TMEM179: variants seen among roughly 807,000 people sequenced by gnomAD.
The protein encoded by TMEM179 is transmembrane protein 179, also known as transmembrane protein 179A.
In TMEM179, 17 loss-of-function variants were observed where a neutral mutation model predicts 22.2. The observed-to-expected ratio is 0.77, with a 90% CI of 0.52 to 1.15. TMEM179 has a LOEUF of 1.15. TMEM179 is among the 50% of genes most tolerant of loss of function. TMEM179 has a pLI of 0.00. For missense variants in TMEM179, 265 were observed against 313.6 expected (o/e 0.84, Z 1.17); for synonymous variants, 127 against 140.5 (o/e 0.90, Z 0.68).
intron 1 of TMEM179, among the ~76,000 whole-genome samples, chr14:104,600,359 G>A (rs916835569): frequency 1.1e-4 from 17 of 152,316 alleles, no homozygotes; most frequent in African/African-American, 2.9e-4. Context: ...CATGGTGACC[G>A]CTGTCCTGGA....
intron 1 of TMEM179, among the ~76,000 whole-genome samples, chr14:104,599,990 A>G (rs961559044): frequency 6.6e-6 from 1 of 151,946 alleles, no homozygotes; most frequent in African/African-American, 2.4e-5. Context: ...ATCCAGCCTC[A>G]CCCCTATGAA....
At chr14:104,593,748 A>T in intron 3 of TMEM179, 90 bp from the exon 4 acceptor site, 1 of 1,384,554 alleles carries the variant, frequency 7.2e-7, no homozygotes, top group Non-Finnish European at 9.4e-7. Context: ...TCTGCTCTGC[A>T]GGGAAAGGAC....
intron 3 of TMEM179, chr14:104,594,582 A>G (rs1886954939): frequency 8.1e-7 from 1 of 1,230,408 alleles, no homozygotes; most frequent in Non-Finnish European, 1.0e-6. Context: ...ACATGCCTGC[A>G]TTTCAGCAAA....
Position 104,595,955 on chromosome 14 carries a change from G to T in TMEM179, c.444-712C>A, listed in dbSNP as rs1887008729. Among the ~76,000 whole-genome samples the T allele has an allele frequency of 1.3e-5, 2 of 152,248 alleles. No individual in the cohort carries two copies. Among genetic ancestry groups the T allele is most frequent in the South Asian group, 4.1e-4 (2 of 4,834 alleles). ...AAGGGCTGGAAACAGTGTCTGTGAG[G>T]CCAAGGAAACTTTGCGTGTGTACCA... On this transcript the variant is annotated intron_variant, in intron 2 of 3. Coordinates refer to ENST00000556573, the MANE Select transcript of TMEM179 (RefSeq NM_001286389.2). This position sits in a 1 kb window ranked among gnomAD's most constrained non-coding sequence, Gnocchi z 5.7.
rs931256329 is a variant in TMEM179, at chr14:104,594,729, A to G, written c.522+436T>C. The G allele has an allele frequency of 2.6e-6, 3 of 1,152,648 alleles. No homozygotes were observed. The African/African-American group carries it at 4.8e-5, about 18-fold the overall frequency. 71.4% of individuals were successfully genotyped at this position (1,152,648 alleles called of 1,614,324 possible). The stretch of plus-strand genomic sequence containing the variant: ...CCCTGCCTCCTTCCTTGGACTCTGT[A>G]TCAGCTTCCCCCTGGCTAGGGGACT... On this transcript the variant is annotated intron_variant, in intron 3 of 3. Transcript: ENST00000556573.
chr14:104,594,919 G>A, intron 3 of TMEM179: 1 of 1,150,824 alleles, frequency 8.7e-7, no homozygotes, highest in Non-Finnish European at 1.1e-6. Context: ...CCAGGGCCTT[G>A]CCACTTCCTG....
At chr14:104,603,111 C>T (rs1887292866) in intron 1 of TMEM179, among the ~76,000 whole-genome samples, 1 of 152,112 alleles carries the variant, frequency 6.6e-6, no homozygotes. Context: ...CTGCAGCAGC[C>T]CCAGGGCGCT....
At chr14:104,594,998 G>A (rs960332692) in intron 3 of TMEM179, 167 bp downstream of exon 3, 4 of 1,484,036 alleles carry the variant, frequency 2.7e-6, no homozygotes, top group Non-Finnish European at 3.6e-6. Context: ...CCCACCTCCT[G>A]CAGGAAGCCT....
At chr14:104,598,451 A>G (rs549948556) in intron 1 of TMEM179, among the ~76,000 whole-genome samples, 1 of 152,358 alleles carries the variant, frequency 6.6e-6, no homozygotes, top group East Asian at 1.9e-4. Context: ...CTGGAATCTC[A>G]GCCAAGAAAA....
rs762300583 is a variant in TMEM179, at chr14:104,604,419, G to A, written c.305+18C>T. ...GGGGCATGGAAGGGGCGCCGCGCCG[G>A]GAGCGGCCCCCACTTACCCCTCGTG... On this transcript the variant is annotated intron_variant, in intron 1 of 3. Transcript: ENST00000556573. The surrounding 1 kb of genome is among the most constrained non-coding windows in gnomAD (Gnocchi z 4.6). 1.3e-6 allele frequency: 2 copies of A among 1,509,364 alleles called. No homozygotes were observed. The highest frequency in any genetic ancestry group is 1.8e-6 in the Non-Finnish European group (2 of 1,137,214). The allele number at this position is 1,509,364 out of a possible 1,614,324, so 93.5% of individuals were successfully genotyped here. A position where few individuals can be genotyped will look rare whatever the true frequency, so the allele number is the denominator to read the frequency against.
chr14:104,595,356 G>A lies in TMEM179; in HGVS notation c.444-113C>T. 1 of 1,056,368 alleles carries A rather than the reference G, an allele frequency of 9.5e-7. No individual in the cohort carries two copies. The highest frequency in any genetic ancestry group is 1.4e-6 in the Non-Finnish European group (1 of 724,194). The allele number at this position is 1,056,368 out of a possible 1,614,324, so 65.4% of individuals were successfully genotyped here. ...TTTGCCCTACAATTGTTGGGCGAGG[G>A]GGTGGGCAGCAGGGAGTCTCTGGGG... On this transcript the variant is annotated intron_variant, in intron 2 of 3. Transcript: ENST00000556573. This position sits in a 1 kb window ranked among gnomAD's most constrained non-coding sequence, Gnocchi z 5.7.
At chr14:104,594,007 G>C in intron 3 of TMEM179, 1 of 1,208,232 alleles carries the variant, frequency 8.3e-7, no homozygotes, top group Non-Finnish European at 1.0e-6. Context: ...GCTCCGGCCT[G>C]TCGGCTCTAA....
chr14:104,593,596 G>A lies in TMEM179; in HGVS notation c.585C>T (p.Val195=). The change falls in exon 4 of 4, where the codon GTC becomes GTT. Residue 195 remains valine, a synonymous_variant. Transcript: ENST00000556573. The part of the protein sequence containing the change: ...LAITTLAFLK[V]YHNYRQEDLL... ...GGTCCTCCTGACGGTAGTTGTGGTA[G>A]ACCTTCAGGAAGGCCAGCGTGGTGA... 2 of 1,515,376 alleles carry A rather than the reference G, an allele frequency of 1.3e-6. No homozygotes were observed. The highest frequency in any genetic ancestry group is 1.8e-6 in the Non-Finnish European group (2 of 1,133,646). 93.9% of individuals were successfully genotyped at this position (1,515,376 alleles called of 1,614,324 possible).
chr14:104,599,238 A>C (rs955659434), intron 1 of TMEM179, among the ~76,000 whole-genome samples: 1 of 133,252 alleles, frequency 7.5e-6, no homozygotes, highest in East Asian at 2.3e-4. Context: ...CTCCTTCTCC[A>C]TTCTCTGTCT....
In TMEM179 at chr14:104,593,697, G is replaced by T. The variant is rs773908391; in HGVS notation, c.523-39C>A. The T allele has an allele frequency of 6.1e-5, 88 of 1,437,576 alleles. 1 individual carries two copies. In the Middle Eastern group the frequency reaches 1.1e-3, roughly 17 times the overall value. 89.1% of individuals were successfully genotyped at this position (1,437,576 alleles called of 1,614,324 possible). Reference sequence around the variant, plus strand: ...AGGGTCAGGGTCAGAAGCCGTTGGGGGTCCGCTGTCAGTGCAACCCCCTCC... The same window carrying T: ...AGGGTCAGGGTCAGAAGCCGTTGGGTGTCCGCTGTCAGTGCAACCCCCTCC... On this transcript the variant is annotated intron_variant, in intron 3 of 3. Transcript: ENST00000556573.
rs745500178 is a variant in TMEM179, at chr14:104,597,712, G to A, written c.306-585C>T. On this transcript the variant is annotated intron_variant, in intron 1 of 3. Coordinates refer to ENST00000556573, the MANE Select transcript of TMEM179 (RefSeq NM_001286389.2). This position sits in a 1 kb window ranked among gnomAD's most constrained non-coding sequence, Gnocchi z 4.8. ...GGCATCGAACCTGGATCCCAGCCTG[G>A]ATCGCAGACCTCTAGCCTCCGGAAG... is the stretch of plus-strand genomic sequence containing the variant. Among the ~76,000 whole-genome samples the A allele has an allele frequency of 6.6e-6, 1 of 152,160 alleles. No individual in the cohort carries two copies. Among genetic ancestry groups the A allele is most frequent in the Non-Finnish European group, 1.5e-5 (1 of 68,024 alleles).
chr14:104,604,708 C>A lies in TMEM179; in HGVS notation c.34G>T (p.Ala12Ser). The change falls in exon 1 of 4, where the codon GCC becomes TCC. Residue 12 changes from alanine (A) to serine (S), a missense_variant. Transcript: ENST00000556573. This position sits in a 1 kb window ranked among gnomAD's most constrained non-coding sequence, Gnocchi z 4.6. ...AACAGGAAGGCCAAGAAGTAGCAGG[C>A]GCACTGAGCGAAAAGGAAATTGTTG... ...ALNNFLFAQC[A>S]CYFLAFLFSF... 1.3e-6 allele frequency: 2 copies of A among 1,588,962 alleles called. No individual in the cohort carries two copies. Among genetic ancestry groups the A allele is most frequent in the East Asian group, 2.5e-5 (1 of 40,654 alleles).
At chr14:104,600,038 G>A (rs183470478) in intron 1 of TMEM179, among the ~76,000 whole-genome samples, 14 of 152,286 alleles carry the variant, frequency 9.2e-5, no homozygotes, top group African/African-American at 2.9e-4. Context: ...TGACCAGATC[G>A]AGGAGTTCCC....
Position 104,595,168 on chromosome 14 carries a change from G to A in TMEM179, c.519C>T (p.Ala173=), listed in dbSNP as rs1886976262. ...NSAFYDQFAI[A]QFGLWASWLA... The stretch of plus-strand genomic sequence containing the variant: ...CTTCTTGCCCAGAGCCCCCTACCTG[G>A]GCAATTGCAAACTGATCGTAGAAGG... Residue 173 remains alanine (A), a synonymous_variant, in exon 3 of 4, where the codon GCC becomes GCT. Coordinates refer to ENST00000556573, the MANE Select transcript of TMEM179 (RefSeq NM_001286389.2). This position sits in a 1 kb window ranked among gnomAD's most constrained non-coding sequence, Gnocchi z 5.7. 6.2e-7 allele frequency: 1 copy of A among 1,613,564 alleles called. No homozygotes were observed.
Sources: gnomAD v4.1 joint callset for allele counts (sites outside exome capture counted in the v4.1 genomes callset) on GRCh38, gnomAD v4.1.1 for gene constraint, Gnocchi (gnomAD v3.1) non-coding constraint, MANE v1.5 for transcripts, NCBI Gene and HGNC (gene_info 2026-07-23, HGNC 2026-07-21) for gene names.